Variants in CDH7 observed in about 807,000 individuals in gnomAD.
CDH7 encodes the protein cadherin-7.
Under a neutral mutation model 71.8 loss-of-function variants are expected in CDH7, and 25 were observed. That is an observed-to-expected ratio of 0.35 (90% confidence interval 0.25 to 0.49). The LOEUF is 0.49. Ranked by LOEUF, CDH7 falls within the 20% of genes least tolerant of loss-of-function variation. The pLI is 0.99. For missense variants in CDH7, 862 were observed against 974.6 expected, an observed-to-expected ratio of 0.88 and a Z score of 1.54; for synonymous variants, 381 against 363.8, an observed-to-expected ratio of 1.05 and a Z score of -0.54.
chr18:65,794,444 A>G (rs1910832987), intron 2 of CDH7, among the ~76,000 whole-genome samples: 1 of 152,100 alleles, frequency 6.6e-6, no homozygotes, highest in South Asian at 2.1e-4. Flanking sequence ...CTGTGCTGTT[A>G]ATCTATGTGA....
In CDH7 at chr18:65,885,987, A is replaced by G. The variant is rs1914366179; in HGVS notation, c.*5093A>G. ...GAATATAGAGTGTGAATTATTTGTT[A>G]TTAAATGTTACTGGGCTTTGGTGTC... On this transcript the variant is annotated 3_prime_UTR_variant, in exon 12 of 12. Transcript: ENST00000397968. The G allele has an allele frequency of 6.6e-6, 1 of 152,326 alleles. No homozygotes were observed. Among genetic ancestry groups the G allele is most frequent in the East Asian group, 1.9e-4 (1 of 5,176 alleles). The allele number at this position is 152,326 out of a possible 1,614,324, so 9.4% of individuals were successfully genotyped here. A position where few individuals can be genotyped will look rare whatever the true frequency, so the allele number is the denominator to read the frequency against.
Position 65,762,710 on chromosome 18 carries a change from C to G in CDH7, c.-133C>G, listed in dbSNP as rs1290882013. 3 of 677,724 alleles carry G rather than the reference C, an allele frequency of 4.4e-6. No individual in the cohort carries two copies. The African/African-American group carries it at 5.4e-5, about 12-fold the overall frequency. The allele number at this position is 677,724 out of a possible 1,614,324, so 42.0% of individuals were successfully genotyped here. A position where few individuals can be genotyped will look rare whatever the true frequency, so the allele number is the denominator to read the frequency against. The stretch of plus-strand genomic sequence containing the variant: ...AGTGGTGACCTCTTCCAATCCAACA[C>G]TCTACAGATTATTATCTCTGGACTC... On this transcript the variant is annotated 5_prime_UTR_variant, in exon 2 of 12. Transcript: ENST00000397968.
intron 2 of CDH7, among the ~76,000 whole-genome samples, chr18:65,767,109 G>GTTTTT (rs1598989066): frequency 1.0e-5 from 1 of 100,396 alleles, no homozygotes; most frequent in African/African-American, 5.6e-5. Context: ...TTTTTTTTTG[G>GTTTTT]CTACTCCTCT....
chr18:65,870,788 G>A (rs138318187), intron 11 of CDH7, among the ~76,000 whole-genome samples: 3 of 152,152 alleles, frequency 2.0e-5, no homozygotes, highest in African/African-American at 7.2e-5. Flanking sequence ...TTCTTTTGTA[G>A]TACTTATTTG....
chr18:65,808,328 T>C (rs909212625), intron 2 of CDH7, among the ~76,000 whole-genome samples: 1 of 152,202 alleles, frequency 6.6e-6, no homozygotes, highest in African/African-American at 2.4e-5. Flanking sequence ...TAGAGGGAGA[T>C]ACATATATAA....
At chr18:65,841,406 A>T (rs1028682783) in intron 6 of CDH7, among the ~76,000 whole-genome samples, 2 of 152,194 alleles carry the variant, frequency 1.3e-5, no homozygotes, top group African/African-American at 4.8e-5. Flanking sequence ...TGAAAACCTG[A>T]ATAAATAACT....
chr18:65,876,112 AG>A (rs1483911751), intron 11 of CDH7, among the ~76,000 whole-genome samples: 17 of 152,132 alleles, frequency 1.1e-4, no homozygotes, highest in African/African-American at 3.9e-4. Flanking sequence ...AATTGCACTA[AG>A]ATTCATACTG....
intron 7 of CDH7, among the ~76,000 whole-genome samples, chr18:65,853,326 G>A (rs1167025814): frequency 1.3e-5 from 2 of 152,182 alleles, no homozygotes; most frequent in East Asian, 3.9e-4. Context: ...CCCTAGGCCA[G>A]TCAATCCACA....
intron 2 of CDH7, among the ~76,000 whole-genome samples, chr18:65,765,464 C>CT (rs74171791): frequency 0.012 from 1,681 of 144,218 alleles, 13 homozygotes; most frequent in African/African-American, 0.025. Flanking sequence ...TTCCTTTTTT[C>CT]TTTTTTTTTT....
chr18:65,861,421 A>AAAAGTTTTTTATGTTTT (rs200521361), intron 10 of CDH7, among the ~76,000 whole-genome samples: 1 of 151,668 alleles, frequency 6.6e-6, no homozygotes, highest in African/African-American at 2.4e-5. Flanking sequence ...TTTTGTATCA[A>AAAAGTTTTTTATGTTTT]GTCATAAATG....
intron 6 of CDH7, among the ~76,000 whole-genome samples, chr18:65,839,161 A>G (rs765405220): frequency 1.1e-4 from 16 of 152,196 alleles, no homozygotes; most frequent in Non-Finnish European, 2.1e-4. Context: ...GACTTTTACT[A>G]GAACTCTTTG....
rs1355754167 is a variant in CDH7, at chr18:65,781,914, TTCTCTCTTTCTC to T, written c.210+18870_210+18881del. Reference sequence around the variant, plus strand: ...TCTCTTTCTCTCTATCTTTCTCTCTTTCTCTCTTTCTCTCTCTCTCTCTCTCTCTCTTTCTCT... The same window carrying T: ...TCTCTTTCTCTCTATCTTTCTCTCTTTCTCTCTCTCTCTCTCTCTTTCTCT... On this transcript the variant is annotated intron_variant, in intron 2 of 11. Transcript: ENST00000397968. Among the ~76,000 whole-genome samples the T allele has an allele frequency of 1.4e-4, 9 of 65,536 alleles. 2 individuals are homozygous for T. The highest frequency in any genetic ancestry group is 4.4e-4 in the African/African-American group (5 of 11,260). The allele number at this position is 65,536 out of a possible 152,430, so 43.0% of individuals were successfully genotyped here.
rs544034583 is a variant in CDH7 at position 65,878,875 on chromosome 18, G to T, written c.1865-1526G>T. ...TTCTGAACTGTAGGCCATCCATAAA[G>T]TGTAAAGCTTATGAGAAGAGCAGTG... On this transcript the variant is annotated intron_variant, in intron 11 of 11. Transcript: ENST00000397968. 5.3e-5 allele frequency among the ~76,000 whole-genome samples: 8 copies of T among 152,254 alleles called. No individual in the cohort carries two copies. In the South Asian group the frequency reaches 1.7e-3, roughly 32 times the overall value.
At chr18:65,766,883 C>T (rs1301656537) in intron 2 of CDH7, among the ~76,000 whole-genome samples, 2 of 80,196 alleles carry the variant, frequency 2.5e-5, no homozygotes, top group Non-Finnish European at 5.3e-5. Flanking sequence ...AACTGTCTGA[C>T]GTAAAAAAAA....
At chr18:65,836,051 G>A (rs1476330974) in intron 6 of CDH7, among the ~76,000 whole-genome samples, 2 of 152,126 alleles carry the variant, frequency 1.3e-5, no homozygotes, top group Non-Finnish European at 2.9e-5. Context: ...TGAAGATGGA[G>A]GAGGAGGCTA....
intron 4 of CDH7, among the ~76,000 whole-genome samples, chr18:65,817,190 A>G (rs1048582394): frequency 6.6e-6 from 1 of 152,180 alleles, no homozygotes; most frequent in Non-Finnish European, 1.5e-5. Flanking sequence ...TCTTTTTTAG[A>G]CATAAGAAGT....
At chr18:65,814,359 G>A in intron 3 of CDH7, 126 bp from the exon 4 acceptor site, 1 of 980,642 alleles carries the variant, frequency 1.0e-6, no homozygotes, top group Admixed American at 1.9e-5. Context: ...ATTTTTTTAT[G>A]TGTCTTGAAA....
intron 1 of CDH7, among the ~76,000 whole-genome samples, chr18:65,754,497 AAGAG>A (rs1318941597): frequency 1.3e-5 from 2 of 152,194 alleles, no homozygotes; most frequent in Non-Finnish European, 2.9e-5. Flanking sequence ...TTAAGTACAA[AAGAG>A]AGAGCTCTTT....
chr18:65,856,579 G>T (rs1913364354), intron 7 of CDH7, among the ~76,000 whole-genome samples: 1 of 152,034 alleles, frequency 6.6e-6, no homozygotes, highest in Non-Finnish European at 1.5e-5. Context: ...CATGACGCCT[G>T]GAGTAAAGGA....
Sources: gnomAD v4.1 joint callset for allele counts (sites outside exome capture counted in the v4.1 genomes callset) on GRCh38, gnomAD v4.1.1 for gene constraint, MANE v1.5 for transcripts, NCBI Gene and HGNC (gene_info 2026-07-23, HGNC 2026-07-21) for gene names.